Variants in TOP6BL observed in about 807,000 individuals in gnomAD.
TOP6BL encodes the protein type 2 DNA topoisomerase 6 subunit B-like.
the TOP6BL span, among the ~76,000 whole-genome samples, chr11:66,757,171 C>T: frequency 1.3e-5 from 2 of 151,860 alleles, no homozygotes; most frequent in African/African-American, 4.8e-5. Flanking sequence ...AGTGAAACTT[C>T]GTCTCTACTA....
the TOP6BL span, among the ~76,000 whole-genome samples, chr11:66,773,882 C>T: frequency 6.6e-6 from 1 of 151,546 alleles, no homozygotes; most frequent in Non-Finnish European, 1.5e-5. Context: ...GATTACAGGC[C>T]CCCACCACCA....
chr11:66,749,518 G>A, the TOP6BL span, among the ~76,000 whole-genome samples: 1 of 152,082 alleles, frequency 6.6e-6, no homozygotes, highest in South Asian at 2.1e-4. Context: ...AGAATAGGGG[G>A]CATTTCTCTT....
the TOP6BL span, among the ~76,000 whole-genome samples, chr11:66,816,674 G>A: frequency 6.6e-6 from 1 of 152,128 alleles, no homozygotes; most frequent in East Asian, 1.9e-4. Context: ...TGGTCCTCCC[G>A]CTTCAGCCTC....
At chr11:66,795,987 A>G in the TOP6BL span, 1 of 265,492 alleles carries the variant, frequency 3.8e-6, no homozygotes, top group Admixed American at 4.8e-5. Flanking sequence ...TACCAACTTC[A>G]GTCTGAATTA....
chr11:66,762,033 TC>T, the TOP6BL span: 2 of 1,474,578 alleles, frequency 1.4e-6, no homozygotes, highest in Non-Finnish European at 9.5e-7. Context: ...AGTGATTTTT[TC>T]CCCCCAGCAA....
At chr11:66,843,498 T>C in the TOP6BL span, 3 of 1,485,068 alleles carry the variant, frequency 2.0e-6, no homozygotes, top group South Asian at 2.5e-5. Flanking sequence ...GCTGTCGGTG[T>C]CGCGGCCGGA....
the TOP6BL span, chr11:66,796,355 G>A: frequency 5.2e-5 from 84 of 1,606,418 alleles, no homozygotes; most frequent in Middle Eastern, 1.6e-4. Flanking sequence ...TCATCATGGT[G>A]CACCCTAAGG....
the TOP6BL span, among the ~76,000 whole-genome samples, chr11:66,812,124 A>G: frequency 5.9e-5 from 9 of 151,996 alleles, no homozygotes; most frequent in Non-Finnish European, 8.8e-5. Context: ...AAACAACCCA[A>G]TTATAAGACA....
chr11:66,825,210 C>T, the TOP6BL span, among the ~76,000 whole-genome samples: 1 of 149,550 alleles, frequency 6.7e-6, no homozygotes, highest in East Asian at 2.0e-4. Context: ...CGTGGTGGCT[C>T]ATGCCTGTAA....
chr11:66,795,860 T>C, the TOP6BL span: 1 of 154,074 alleles, frequency 6.5e-6, no homozygotes, highest in African/African-American at 2.4e-5. Context: ...TTCCTTTTAG[T>C]GTTTGCTCCT....
chr11:66,784,956 C>CTTTTTTTTTT, the TOP6BL span, among the ~76,000 whole-genome samples: 4 of 95,124 alleles, frequency 4.2e-5, no homozygotes, highest in African/African-American at 4.5e-5. Context: ...TCTAAGATTT[C>CTTTTTTTTTT]TTTTTTTTTT....
the TOP6BL span, among the ~76,000 whole-genome samples, chr11:66,827,992 A>T: frequency 1.9e-4 from 28 of 150,202 alleles, no homozygotes; most frequent in African/African-American, 6.9e-4. Context: ...AAAAAAAAAA[A>T]AGAGAGATGG....
chr11:66,771,176 T>G, the TOP6BL span: 2 of 151,798 alleles, frequency 1.3e-5, no homozygotes, highest in South Asian at 4.2e-4. Flanking sequence ...TTTCTTTTTT[T>G]TTTTTTAGAG....
the TOP6BL span, among the ~76,000 whole-genome samples, chr11:66,809,820 C>T: frequency 6.6e-6 from 1 of 152,184 alleles, no homozygotes; most frequent in East Asian, 1.9e-4. Flanking sequence ...CCTCCTACCT[C>T]AGCCTCTCCT....
chr11:66,808,910 A>T, the TOP6BL span, among the ~76,000 whole-genome samples: 1 of 152,222 alleles, frequency 6.6e-6, no homozygotes, highest in African/African-American at 2.4e-5. Context: ...ACAATATTTA[A>T]AGAGTTAATG....
the TOP6BL span, among the ~76,000 whole-genome samples, chr11:66,758,693 T>C: frequency 6.6e-6 from 1 of 152,346 alleles, no homozygotes; most frequent in South Asian, 2.1e-4. Context: ...ATATGAGTTA[T>C]TGACACGATA....
At chr11:66,769,261 T>C in the TOP6BL span, among the ~76,000 whole-genome samples, 18 of 152,114 alleles carry the variant, frequency 1.2e-4, no homozygotes, top group Admixed American at 2.0e-4. Flanking sequence ...GAACTAAAGC[T>C]ATAAAACTCT....
At chr11:66,817,478 G>A in the TOP6BL span, among the ~76,000 whole-genome samples, 19 of 152,036 alleles carry the variant, frequency 1.2e-4, no homozygotes, top group Non-Finnish European at 2.4e-4. Flanking sequence ...TCCCTCTGTC[G>A]CCCAGGCTGG....
At chr11:66,770,541 T>C in the TOP6BL span, among the ~76,000 whole-genome samples, 1 of 152,008 alleles carries the variant, frequency 6.6e-6, no homozygotes, top group Non-Finnish European at 1.5e-5. Context: ...TCATCTCTAC[T>C]AAAAATACAA....
Sources: gnomAD v4.1 joint callset for allele counts (sites outside exome capture counted in the v4.1 genomes callset) on GRCh38, gnomAD v4.1.1 for gene constraint, MANE v1.5 for transcripts, NCBI Gene and HGNC (gene_info 2026-07-23, HGNC 2026-07-21) for gene names.